Variants in SSBP4 observed in about 807,000 individuals in gnomAD.
The protein encoded by SSBP4 is single stranded DNA binding protein 4, also known as single-stranded DNA-binding protein 4.
SSBP4 carries 33 observed loss-of-function variants against 64.6 expected under a neutral mutation model. The observed-to-expected ratio is 0.51, with a 90% CI of 0.39 to 0.68. The LOEUF (loss-of-function observed/expected upper bound fraction) is 0.68, where lower values mean the gene tolerates loss of function less well. Ranked by LOEUF, SSBP4 falls within the 30% of genes least tolerant of loss-of-function variation. The pLI is 0.00. For missense variants in SSBP4, 583 were observed against 566.8 expected, an observed-to-expected ratio of 1.03 and a Z score of -0.29; for synonymous variants, 243 against 224.0, an observed-to-expected ratio of 1.08 and a Z score of -0.76.
chr19:18,405,851 C>T, the SSBP4 span, among the ~76,000 whole-genome samples: 179 of 152,130 alleles, frequency 1.2e-3, 4 homozygotes, highest in East Asian at 0.033. Flanking sequence ...ATTAGTTAAG[C>T]GTGGTGGCGT....
rs1972566674 is a variant in SSBP4, at chr19:18,423,021, G to A, written c.59+3314G>A. ...GCTCCAGAAAGGGACCGAGCACCTG[G>A]TGGGTGCCTGCCCTCGGGGGCTCGC... On this transcript the variant is annotated intron_variant, in intron 1 of 17. Coordinates refer to ENST00000270061, the MANE Select transcript of SSBP4 (RefSeq NM_032627.5). The surrounding 1 kb of genome is among the most constrained non-coding windows in gnomAD (Gnocchi z 4.0). Among the ~76,000 whole-genome samples the A allele has an allele frequency of 6.6e-6, 1 of 152,244 alleles. No individual in the cohort carries two copies.
At position 18,419,640 on chromosome 19, in the gene SSBP4, TG is replaced by T; in HGVS notation, c.-7del. 1 of 1,258,588 alleles carries T rather than the reference TG, an allele frequency of 7.9e-7. No individual in the cohort carries two copies. The highest frequency in any genetic ancestry group is 4.2e-5 in the Admixed American group (1 of 23,762). The allele number at this position is 1,258,588 out of a possible 1,614,324, so 78.0% of individuals were successfully genotyped here. A position where few individuals can be genotyped will look rare whatever the true frequency, so the allele number is the denominator to read the frequency against. On this transcript the variant is annotated 5_prime_UTR_variant, in exon 1 of 18. Transcript: ENST00000270061. ...GGTGTGGGCCCCGGCGGCGGCGGCGTGGAGCAGCATGTACGCCAAGGGGGGC... is the reference window on the plus strand; with the variant it reads ...GGTGTGGGCCCCGGCGGCGGCGGCGTGAGCAGCATGTACGCCAAGGGGGGC...
At position 18,429,451 on chromosome 19, in the gene SSBP4, A is replaced by G. The variant is rs1347246430; in HGVS notation, c.280-1390A>G. Among the ~76,000 whole-genome samples, 4 of 127,492 alleles carry G rather than the reference A, an allele frequency of 3.1e-5. No homozygotes were observed. In the East Asian group the frequency reaches 7.5e-4, roughly 24 times the overall value. 83.6% of individuals were successfully genotyped at this position (127,492 alleles called of 152,430 possible). The stretch of plus-strand genomic sequence containing the variant: ...AACTGCTCAGGGCCTAGAGTTGGGA[A>G]GCTGCGGGTCGCAGGGGGCGGGGGG... On this transcript the variant is annotated intron_variant, in intron 4 of 17. Coordinates refer to ENST00000270061, the MANE Select transcript of SSBP4 (RefSeq NM_032627.5).
Position 18,427,620 on chromosome 19 carries a change from TG to T in SSBP4, c.133-128del. 1.6e-6 allele frequency: 2 copies of T among 1,228,956 alleles called. No individual in the cohort carries two copies. Among genetic ancestry groups the T allele is most frequent in the South Asian group, 1.5e-5 (1 of 66,646 alleles). The allele number at this position is 1,228,956 out of a possible 1,614,324, so 76.1% of individuals were successfully genotyped here. A position where few individuals can be genotyped will look rare whatever the true frequency, so the allele number is the denominator to read the frequency against. ...CCCAGCCGGGACCTGCCACACATCC[TG>T]GGGCCCTCTGCCCACCCTGTTACCC... On this transcript the variant is annotated intron_variant, in intron 2 of 17. Coordinates refer to ENST00000270061, the MANE Select transcript of SSBP4 (RefSeq NM_032627.5). This position sits in a 1 kb window ranked among gnomAD's most constrained non-coding sequence, Gnocchi z 4.4.
In SSBP4 at chr19:18,427,560, G is replaced by T; in HGVS notation, c.132+137G>T. On this transcript the variant is annotated intron_variant, in intron 2 of 17. Coordinates refer to ENST00000270061, the MANE Select transcript of SSBP4 (RefSeq NM_032627.5). This position sits in a 1 kb window ranked among gnomAD's most constrained non-coding sequence, Gnocchi z 4.4. ...GAACTGAGGGCTCTGCAGGGTCCAG[G>T]CCCTGGGCTAGCATCCAGGCATCTG... 1 of 1,265,174 alleles carries T rather than the reference G, an allele frequency of 7.9e-7. No individual in the cohort carries two copies. The highest frequency in any genetic ancestry group is 1.1e-6 in the Non-Finnish European group (1 of 925,218). 78.4% of individuals were successfully genotyped at this position (1,265,174 alleles called of 1,614,324 possible). A position where few individuals can be genotyped will look rare whatever the true frequency, so the allele number is the denominator to read the frequency against.
chr19:18,415,411 C>T (rs1041244281), upstream of SSBP4, among the ~76,000 whole-genome samples: 2 of 152,318 alleles, frequency 1.3e-5, no homozygotes, highest in Non-Finnish European at 2.9e-5. Context: ...GGGGAGTACT[C>T]GTGGGCCCCC....
Position 18,426,823 on chromosome 19 carries a change from G to A in SSBP4, c.60-528G>A, listed in dbSNP as rs1178260855. On this transcript the variant is annotated intron_variant, in intron 1 of 17. Transcript: ENST00000270061. This position sits in a 1 kb window ranked among gnomAD's most constrained non-coding sequence, Gnocchi z 4.5. ...CCCCAGGTTCAGCACTGCCCTGACT[G>A]GGGACAGTCTGCAGAAAGGGTTGAG... Among the ~76,000 whole-genome samples, 1 of 152,156 alleles carries A rather than the reference G, an allele frequency of 6.6e-6. No individual in the cohort carries two copies. Among genetic ancestry groups the A allele is most frequent in the African/African-American group, 2.4e-5 (1 of 41,426 alleles).
In SSBP4 at chr19:18,427,949, G is replaced by T. The variant is rs1266461268; in HGVS notation, c.246G>T (p.Glu82Asp). The T allele has an allele frequency of 1.2e-6, 2 of 1,613,310 alleles. No homozygotes were observed. The highest frequency in any genetic ancestry group is 2.2e-5 in the South Asian group (2 of 91,076). ...CGCCTGACAGAAGAGAGGCCTGCGA[G>T]CACTCCGGCGAGGCCAAGGCCTTCC... Reference protein sequence around the residue: ...CAAPDRREACEHSGEAKAFQD... With the variant: ...CAAPDRREACDHSGEAKAFQD... The change falls in exon 4 of 18, where the codon GAG becomes GAT. Residue 82 changes from glutamate (E) to aspartate (D), a missense_variant. Coordinates refer to ENST00000270061, the MANE Select transcript of SSBP4 (RefSeq NM_032627.5). This position sits in a 1 kb window ranked among gnomAD's most constrained non-coding sequence, Gnocchi z 4.4.
At chr19:18,419,935 C>T (rs112955510) in intron 1 of SSBP4, among the ~76,000 whole-genome samples, 2 of 147,072 alleles carry the variant, frequency 1.4e-5, no homozygotes, top group African/African-American at 5.0e-5. Flanking sequence ...GGCGGGCGAC[C>T]CGAGGGGCGC....
rs888840779 is a variant in SSBP4 at position 18,426,218 on chromosome 19, C to G, written c.60-1133C>G. Reference sequence around the variant, plus strand: ...GCAGCCTGGCTGGGAGGGAGCAGAGCGTGAGTCAAAGGAAGGTTATTTTAG... The same window carrying G: ...GCAGCCTGGCTGGGAGGGAGCAGAGGGTGAGTCAAAGGAAGGTTATTTTAG... On this transcript the variant is annotated intron_variant, in intron 1 of 17. Coordinates refer to ENST00000270061, the MANE Select transcript of SSBP4 (RefSeq NM_032627.5). The surrounding 1 kb of genome is among the most constrained non-coding windows in gnomAD (Gnocchi z 4.5). 4 of 152,380 alleles carry G rather than the reference C, an allele frequency of 2.6e-5. No individual in the cohort carries two copies. Among genetic ancestry groups the G allele is most frequent in the African/African-American group, 9.7e-5 (4 of 41,408 alleles). 9.4% of individuals were successfully genotyped at this position (152,380 alleles called of 1,614,324 possible). A position where few individuals can be genotyped will look rare whatever the true frequency, so the allele number is the denominator to read the frequency against.
chr19:18,409,407 G>A, the SSBP4 span, among the ~76,000 whole-genome samples: 32 of 151,884 alleles, frequency 2.1e-4, no homozygotes, highest in South Asian at 6.0e-3. Context: ...ATCTGTTCTC[G>A]AACTCCTCAG....
chr19:18,433,690 C>T lies in SSBP4; in HGVS notation c.1021-20C>T, dbSNP rs1279857867. On this transcript the variant is annotated intron_variant, in intron 16 of 17. Coordinates refer to ENST00000270061, the MANE Select transcript of SSBP4 (RefSeq NM_032627.5). The stretch of plus-strand genomic sequence containing the variant: ...AGGGGGCGGGGCGGGGAGTTGCGAG[C>T]CGACGGCGGCCGCCCCCAGAGTTCC... The T allele has an allele frequency of 2.2e-6, 3 of 1,383,336 alleles. No individual in the cohort carries two copies. The highest frequency in any genetic ancestry group is 3.1e-5 in the African/African-American group (2 of 64,832). The allele number at this position is 1,383,336 out of a possible 1,614,324, so 85.7% of individuals were successfully genotyped here.
At chr19:18,430,988 G>A in intron 5 of SSBP4, 58 bp downstream of exon 5, 2 of 1,576,910 alleles carry the variant, frequency 1.3e-6, no homozygotes, top group East Asian at 2.3e-5. Context: ...GCGTTTGAGG[G>A]TGGGGGGGGT....
Position 18,432,058 on chromosome 19 carries a change from C to A in SSBP4, c.624C>A (p.Ser208Arg), listed in dbSNP as rs1460729411. 1 of 1,589,770 alleles carries A rather than the reference C, an allele frequency of 6.3e-7. No homozygotes were observed. The highest frequency in any genetic ancestry group is 1.1e-5 in the South Asian group (1 of 88,850). Reference sequence around the variant, plus strand: ...TGACGCCTCCTCGTGGCATGGCCAGCGTGGGGCCCCAGGTAAGAGTGGAGC... The same window carrying A: ...TGACGCCTCCTCGTGGCATGGCCAGAGTGGGGCCCCAGGTAAGAGTGGAGC... Reference protein sequence around the residue: ...QRVTPPRGMASVGPQSYGGGM... With the variant: ...QRVTPPRGMARVGPQSYGGGM... The change falls in exon 9 of 18, where the codon AGC becomes AGA. Residue 208 changes from serine (S) to arginine (R), a missense_variant. Physicochemically the swap from Ser to Arg is moderately radical, Grantham distance 110. Transcript: ENST00000270061.
rs200453807 is a variant in SSBP4, at chr19:18,432,232, C to T, written c.704+18C>T. ...ATGAACATGTAAGACCCTGGGGGATCCTAGGAGTGTGCAGTTCGCAGGCCA... is the reference window on the plus strand; with the variant it reads ...ATGAACATGTAAGACCCTGGGGGATTCTAGGAGTGTGCAGTTCGCAGGCCA... On this transcript the variant is annotated intron_variant, in intron 10 of 17. Transcript: ENST00000270061. The T allele has an allele frequency of 1.8e-4, 294 of 1,612,096 alleles. No individual in the cohort carries two copies. Among genetic ancestry groups the T allele is most frequent in the African/African-American group, 8.5e-4 (64 of 75,036 alleles).
At chr19:18,412,502 C>G in the SSBP4 span, among the ~76,000 whole-genome samples, 1 of 149,980 alleles carries the variant, frequency 6.7e-6, no homozygotes, top group Non-Finnish European at 1.5e-5. Flanking sequence ...GAGGCTGGAG[C>G]TCTAGACAGA....
Position 18,422,075 on chromosome 19 carries a change from C to T in SSBP4, c.59+2368C>T, listed in dbSNP as rs556912398. Among the ~76,000 whole-genome samples, 13 of 152,210 alleles carry T rather than the reference C, an allele frequency of 8.5e-5. No homozygotes were observed. The East Asian group carries it at 9.7e-4, about 11-fold the overall frequency. ...ACTCTGGAGGCTGAGGTGAAAGGAT[C>T]GCTTGAACCTAGGAGGTAGAGGTTG... is the stretch of plus-strand genomic sequence containing the variant. On this transcript the variant is annotated intron_variant, in intron 1 of 17. Transcript: ENST00000270061.
chr19:18,407,016 T>C, the SSBP4 span, among the ~76,000 whole-genome samples: 2 of 151,936 alleles, frequency 1.3e-5, no homozygotes, highest in Admixed American at 6.6e-5. Context: ...TCCTCTGTAT[T>C]TTTATATTTT....
upstream of SSBP4, chr19:18,419,255 A>G (rs1037303859): frequency 2.0e-6 from 2 of 988,076 alleles, no homozygotes; most frequent in South Asian, 9.4e-5. Flanking sequence ...CCGCGCCCCC[A>G]CCCCCCGCGG....
Sources: gnomAD v4.1 joint callset for allele counts (sites outside exome capture counted in the v4.1 genomes callset) on GRCh38, gnomAD v4.1.1 for gene constraint, Gnocchi (gnomAD v3.1) non-coding constraint, MANE v1.5 for transcripts, NCBI Gene and HGNC (gene_info 2026-07-23, HGNC 2026-07-21) for gene names.